RASAL2: variants seen among roughly 807,000 people sequenced by gnomAD.
RASAL2 encodes the protein ras GTPase-activating protein nGAP.
Under a neutral mutation model 128.9 loss-of-function variants are expected in RASAL2, and 58 were observed. The ratio of observed to expected loss-of-function variants is 0.45; its 90% CI spans 0.36 to 0.56. The LOEUF is 0.56. Ranked by LOEUF, RASAL2 falls within the 20% of genes least tolerant of loss-of-function variation. The pLI, the probability that RASAL2 is intolerant of heterozygous loss-of-function variation, is 0.00. For synonymous variants in RASAL2, 561 were observed against 580.8 expected (o/e 0.97, Z 0.49); for missense variants, 1,360 against 1,601.6 (o/e 0.85, Z 2.57).
At chr1:178,387,209 G>T (rs1320516731) in intron 3 of RASAL2, among the ~76,000 whole-genome samples, 1 of 152,084 alleles carries the variant, frequency 6.6e-6, no homozygotes, top group Non-Finnish European at 1.5e-5. Flanking sequence ...TTTTCATTAG[G>T]TGATTTAGCT....
At chr1:178,191,312 A>G (rs887011186) in intron 1 of RASAL2, among the ~76,000 whole-genome samples, 9 of 152,118 alleles carry the variant, frequency 5.9e-5, no homozygotes, top group African/African-American at 9.7e-5. Context: ...TTGTGAGCCA[A>G]TAATTTTGTT....
chr1:178,300,187 A>G, intron 3 of RASAL2, 69 bp downstream of exon 3: 1 of 1,474,186 alleles, frequency 6.8e-7, no homozygotes, highest in African/African-American at 1.4e-5. Flanking sequence ...GTTACTGAGT[A>G]AAACAGAACA....
intron 3 of RASAL2, among the ~76,000 whole-genome samples, chr1:178,320,046 C>A (rs1190482218): frequency 1.3e-5 from 2 of 151,712 alleles, no homozygotes; most frequent in East Asian, 3.9e-4. Context: ...TGTTGGAATA[C>A]CCTGCCATGT....
intron 4 of RASAL2, among the ~76,000 whole-genome samples, chr1:178,395,802 CAT>C (rs1673187815): frequency 8.2e-6 from 1 of 122,052 alleles, no homozygotes; most frequent in African/African-American, 4.5e-5. Flanking sequence ...TTTATTTATT[CAT>C]ATGTGTATGA....
At chr1:178,448,833 A>C (rs537211830) in intron 9 of RASAL2, among the ~76,000 whole-genome samples, 1 of 152,324 alleles carries the variant, frequency 6.6e-6, no homozygotes, top group Admixed American at 6.5e-5. Context: ...TCTTTTTATA[A>C]CAGTGAATGA....
At chr1:178,175,729 T>C (rs1661864172) in intron 1 of RASAL2, among the ~76,000 whole-genome samples, 1 of 151,920 alleles carries the variant, frequency 6.6e-6, no homozygotes, top group South Asian at 2.1e-4. Flanking sequence ...CAAAGTCCAT[T>C]ATATATCACT....
intron 1 of RASAL2, among the ~76,000 whole-genome samples, chr1:178,106,286 C>T (rs1007006764): frequency 6.6e-6 from 1 of 152,162 alleles, no homozygotes; most frequent in Non-Finnish European, 1.5e-5. Context: ...TCTATATTTG[C>T]ATGTTCCAGT....
intron 1 of RASAL2, among the ~76,000 whole-genome samples, chr1:178,267,759 C>T (rs1017127415): frequency 5.9e-5 from 9 of 151,702 alleles, no homozygotes; most frequent in African/African-American, 2.2e-4. Context: ...CTCCTGACCT[C>T]GTGATCACCC....
chr1:178,205,743 C>T (rs182135093), intron 1 of RASAL2, among the ~76,000 whole-genome samples: 7 of 151,946 alleles, frequency 4.6e-5, no homozygotes, highest in Non-Finnish European at 8.8e-5. Flanking sequence ...GGCGACAGAG[C>T]GAGACTCCGT....
intron 11 of RASAL2, 129 bp from the exon 12 acceptor site, chr1:178,454,318 A>G: frequency 1.5e-6 from 1 of 669,394 alleles, no homozygotes; most frequent in South Asian, 2.0e-5. Flanking sequence ...TATCACTTAT[A>G]GATAATAAAC....
intron 1 of RASAL2, among the ~76,000 whole-genome samples, chr1:178,140,039 T>C (rs1175471526): frequency 6.6e-6 from 1 of 152,172 alleles, no homozygotes. Flanking sequence ...AATGTCAGAA[T>C]TTTGAACCCA....
intron 1 of RASAL2, among the ~76,000 whole-genome samples, chr1:178,144,556 A>G (rs1660654020): frequency 6.6e-6 from 1 of 152,196 alleles, no homozygotes; most frequent in African/African-American, 2.4e-5. Context: ...TAAGTATTTG[A>G]GAAGCAGTGA....
intron 17 of RASAL2, among the ~76,000 whole-genome samples, chr1:178,471,117 AT>A (rs1270505700): frequency 1.3e-5 from 2 of 152,144 alleles, no homozygotes; most frequent in Non-Finnish European, 2.9e-5. Flanking sequence ...TAAAAATCAA[AT>A]TTTTTATGAA....
intron 2 of RASAL2, among the ~76,000 whole-genome samples, chr1:178,288,177 G>C (rs370600107): frequency 1.1e-4 from 16 of 152,138 alleles, no homozygotes; most frequent in East Asian, 9.7e-4. Flanking sequence ...GCTGCTTCTC[G>C]GTTTCTGTAC....
At chr1:178,314,615 A>G (rs1362805169) in intron 3 of RASAL2, among the ~76,000 whole-genome samples, 2 of 152,150 alleles carry the variant, frequency 1.3e-5, no homozygotes, top group African/African-American at 4.8e-5. Context: ...TGGGGAAATT[A>G]TTATGTTTAC....
chr1:178,294,591 C>A (rs1021996286), intron 2 of RASAL2, among the ~76,000 whole-genome samples: 1 of 152,210 alleles, frequency 6.6e-6, no homozygotes, highest in Non-Finnish European at 1.5e-5. Flanking sequence ...TAGGACACCA[C>A]CCCCTCACTA....
chr1:178,109,434 T>G (rs970367891), intron 1 of RASAL2, among the ~76,000 whole-genome samples: 25 of 152,188 alleles, frequency 1.6e-4, no homozygotes, highest in Non-Finnish European at 2.9e-4. Flanking sequence ...TCAGGAACAC[T>G]GTGGGCTCCT....
chr1:178,291,360 G>T (rs974685460), intron 2 of RASAL2, among the ~76,000 whole-genome samples: 1 of 152,210 alleles, frequency 6.6e-6, no homozygotes, highest in African/African-American at 2.4e-5. Flanking sequence ...GCAAGGTAAT[G>T]ACATCATCAG....
At chr1:178,376,240 TG>T (rs1358981876) in intron 3 of RASAL2, among the ~76,000 whole-genome samples, 3 of 152,146 alleles carry the variant, frequency 2.0e-5, no homozygotes, top group African/African-American at 7.2e-5. Context: ...TGATAACCTG[TG>T]AAAGTGTTAA....
Sources: allele counts gnomAD v4.1 joint callset (sites outside exome capture counted in the v4.1 genomes callset), GRCh38; gene constraint gnomAD v4.1.1; transcripts MANE v1.5; gene names NCBI Gene and HGNC (gene_info 2026-07-23, HGNC 2026-07-21).